The following TANGO6 variants were observed in gnomAD, a reference collection of about 807,000 sequenced individuals.
TANGO6 encodes the protein transport and golgi organization 6 homolog.
In TANGO6, 90 loss-of-function variants were observed where a neutral mutation model predicts 114.2. The ratio of observed to expected loss-of-function variants is 0.79; its 90% confidence interval spans 0.66 to 0.94. The LOEUF is 0.94. Ranked by LOEUF, TANGO6 falls within the 40% of genes least tolerant of loss-of-function variation. The pLI, the probability that TANGO6 is intolerant of heterozygous loss-of-function variation, is 0.00. For synonymous variants in TANGO6, 477 were observed against 509.8 expected (o/e 0.94, Z 0.87); for missense variants, 1,274 against 1,315.3 (o/e 0.97, Z 0.49).
chr16:68,847,047 C>T (rs909855244), intron 1 of TANGO6, among the ~76,000 whole-genome samples: 3 of 152,128 alleles, frequency 2.0e-5, no homozygotes, highest in South Asian at 4.2e-4. Flanking sequence ...TGCGCCACCA[C>T]GCCCTGCTAA....
chr16:69,073,273 G>T (rs1348441669), intron 17 of TANGO6, among the ~76,000 whole-genome samples: 1 of 152,150 alleles, frequency 6.6e-6, no homozygotes, highest in Non-Finnish European at 1.5e-5. Flanking sequence ...GCCACCCACT[G>T]GCTGGGAATA....
intron 16 of TANGO6, among the ~76,000 whole-genome samples, chr16:69,027,033 T>C (rs1175152247): frequency 1.3e-5 from 2 of 152,124 alleles, no homozygotes; most frequent in Non-Finnish European, 1.5e-5. Context: ...CAGCTAATTT[T>C]TGTATTTTTA....
At chr16:68,947,385 C>G (rs1007121202) in intron 14 of TANGO6, among the ~76,000 whole-genome samples, 3 of 151,408 alleles carry the variant, frequency 2.0e-5, no homozygotes, top group Non-Finnish European at 2.9e-5. Context: ...ACCAGGGAGT[C>G]GAAGGTTGCG....
chr16:68,924,559 G>A (rs1275996480), intron 12 of TANGO6, among the ~76,000 whole-genome samples: 1 of 151,386 alleles, frequency 6.6e-6, no homozygotes, highest in African/African-American at 2.4e-5. Context: ...AGGCTGAGGT[G>A]GGAAGATCAC....
intron 16 of TANGO6, among the ~76,000 whole-genome samples, chr16:69,028,706 C>T (rs889597833): frequency 4.6e-5 from 7 of 151,566 alleles, no homozygotes; most frequent in Non-Finnish European, 1.0e-4. Context: ...GTTATTGGTA[C>T]AATCACACAC....
At chr16:69,058,883 G>A (rs902583338) in intron 17 of TANGO6, among the ~76,000 whole-genome samples, 5 of 148,834 alleles carry the variant, frequency 3.4e-5, no homozygotes, top group Admixed American at 6.7e-5. Flanking sequence ...AGCCAGAATG[G>A]TCTTTAACCA....
intron 16 of TANGO6, among the ~76,000 whole-genome samples, chr16:69,030,461 G>A (rs1025697867): frequency 2.0e-5 from 3 of 152,012 alleles, no homozygotes; most frequent in African/African-American, 7.2e-5. Context: ...AGCAGAGGGA[G>A]CAGCTGTGCA....
intron 14 of TANGO6, among the ~76,000 whole-genome samples, chr16:68,967,644 T>A (rs886145419): frequency 6.6e-6 from 1 of 152,194 alleles, no homozygotes; most frequent in Admixed American, 6.5e-5. Context: ...AATTATACAA[T>A]GTGTGGGTTT....
At chr16:69,075,152 A>AT (rs1436017683) in intron 17 of TANGO6, among the ~76,000 whole-genome samples, 1 of 146,812 alleles carries the variant, frequency 6.8e-6, no homozygotes, top group South Asian at 2.2e-4. Context: ...CTGAAATATA[A>AT]TTTTTTTCCT....
rs1400441172 is a variant in TANGO6, at chr16:68,862,952, C to T, written c.743C>T (p.Thr248Ile). The change falls in exon 3 of 18, where the codon ACT becomes ATT. Residue 248 changes from threonine to isoleucine, a missense_variant. By Grantham distance (89) the Thr-to-Ile change is moderately conservative. This residue lies in a region of TANGO6 where 908 missense variants were observed against 910.2 expected (regional missense o/e 1.00). Transcript: ENST00000261778. ...AGTGCATATTTCTTTTAGGTTCTAACTGAAGAGGAGAGAACCCTATCCAGG... is the reference window on the plus strand; with the variant it reads ...AGTGCATATTTCTTTTAGGTTCTAATTGAAGAGGAGAGAACCCTATCCAGG... ...KLLTPAEEVL[T>I]EEERTLSRGA... 6.3e-7 allele frequency: 1 copy of T among 1,590,344 alleles called. No individual in the cohort carries two copies.
rs181511613 is a variant in TANGO6, at chr16:68,853,401, A to G, written c.95-6483A>G. On this transcript the variant is annotated intron_variant, in intron 1 of 17. Coordinates refer to ENST00000261778, the MANE Select transcript of TANGO6 (RefSeq NM_024562.2). ...GAAAAAACAGATATGCATCATTACT[A>G]TTATCCCAGAAAGTTCCCTTCTGCC... Among the ~76,000 whole-genome samples, 235 of 152,064 alleles carry G rather than the reference A, an allele frequency of 1.5e-3. 1 individual carries two copies. Among genetic ancestry groups the G allele is most frequent in the African/African-American group, 5.1e-3 (213 of 41,480 alleles).
At chr16:69,080,417 G>T (rs1196083696) in intron 17 of TANGO6, among the ~76,000 whole-genome samples, 3 of 152,178 alleles carry the variant, frequency 2.0e-5, no homozygotes, top group Admixed American at 2.0e-4. Flanking sequence ...AAGCATGGTG[G>T]TGTATGCCTG....
At chr16:69,062,991 G>A (rs1259011928) in intron 17 of TANGO6, among the ~76,000 whole-genome samples, 1 of 151,472 alleles carries the variant, frequency 6.6e-6, no homozygotes, top group East Asian at 2.0e-4. Flanking sequence ...ACTTTGGGAG[G>A]CCGAAACAGG....
At chr16:68,980,132 C>A (rs997763213) in intron 15 of TANGO6, among the ~76,000 whole-genome samples, 9 of 151,944 alleles carry the variant, frequency 5.9e-5, no homozygotes, top group African/African-American at 1.9e-4. Flanking sequence ...AGGCGTGAGC[C>A]ACCACGCCCT....
chr16:69,072,338 C>T (rs552686600), intron 17 of TANGO6, among the ~76,000 whole-genome samples: 1 of 152,204 alleles, frequency 6.6e-6, no homozygotes, highest in East Asian at 1.9e-4. Context: ...GAATGAGACG[C>T]ACCCAGCCTA....
chr16:68,901,427 AT>A (rs770376799), intron 8 of TANGO6, among the ~76,000 whole-genome samples: 1 of 152,224 alleles, frequency 6.6e-6, no homozygotes, highest in Non-Finnish European at 1.5e-5. Context: ...GAGAGAATGC[AT>A]TGGAAGAGGG....
chr16:68,958,990 A>C (rs1963562604), intron 14 of TANGO6, among the ~76,000 whole-genome samples: 1 of 152,172 alleles, frequency 6.6e-6, no homozygotes, highest in African/African-American at 2.4e-5. Context: ...CAGGATTTTA[A>C]CCTGAAGGGT....
chr16:68,873,270 CCTTTA>C (rs1962306730), intron 4 of TANGO6, among the ~76,000 whole-genome samples: 1 of 152,016 alleles, frequency 6.6e-6, no homozygotes, highest in African/African-American at 2.4e-5. Flanking sequence ...TGTCTGGCTT[CCTTTA>C]CTTGGCATAA....
At chr16:69,071,272 T>G (rs1228506860) in intron 17 of TANGO6, among the ~76,000 whole-genome samples, 4 of 152,166 alleles carry the variant, frequency 2.6e-5, no homozygotes, top group Non-Finnish European at 4.4e-5. Flanking sequence ...TCACTCAAAA[T>G]GCAGTCACTC....
Sources: gnomAD v4.1 joint callset for allele counts (sites outside exome capture counted in the v4.1 genomes callset) on GRCh38, gnomAD v4.1.1 for gene constraint, gnomAD v4.1.1 regional missense constraint, MANE v1.5 for transcripts, NCBI Gene and HGNC (gene_info 2026-07-23, HGNC 2026-07-21) for gene names.